Variants in ADK observed in about 807,000 individuals in gnomAD.
ADK encodes N6,N6-dimethyladenosine kinase.
Under a neutral mutation model 44.7 loss-of-function variants are expected in ADK, and 24 were observed. That is an observed-to-expected ratio of 0.54 (90% CI 0.39 to 0.76). ADK has a LOEUF of 0.76. Among genes scored for constraint, ADK ranks in the 30% least tolerant of loss-of-function variants. The probability of loss-of-function intolerance (pLI) is 0.00; values close to 1 mark genes in which losing one functional copy is unlikely to be tolerated. For missense variants in ADK, 321 were observed against 425.1 expected (o/e 0.76, Z 2.15); for synonymous variants, 128 against 142.6 (o/e 0.90, Z 0.73).
intron 9 of ADK, among the ~76,000 whole-genome samples, chr10:74,660,789 T>C (rs1488968948): frequency 6.7e-6 from 1 of 148,424 alleles, no homozygotes; most frequent in Non-Finnish European, 1.5e-5. Context: ...ATCCCAGCAC[T>C]TTGGGAGGCC....
At chr10:74,295,076 C>T (rs754925578) in intron 3 of ADK, among the ~76,000 whole-genome samples, 3 of 150,526 alleles carry the variant, frequency 2.0e-5, no homozygotes, top group Admixed American at 6.6e-5. Context: ...ATGCTGGTCT[C>T]GAACTCCTGA....
chr10:74,248,356 C>T (rs761615297), intron 3 of ADK, among the ~76,000 whole-genome samples: 1 of 151,906 alleles, frequency 6.6e-6, no homozygotes, highest in Non-Finnish European at 1.5e-5. Flanking sequence ...GGTTACATGA[C>T]CTTTCAGATT....
intron 3 of ADK, among the ~76,000 whole-genome samples, chr10:74,290,619 C>A (rs1317251005): frequency 6.6e-6 from 1 of 151,546 alleles, no homozygotes; most frequent in Non-Finnish European, 1.5e-5. Flanking sequence ...AAAAAAAAAA[C>A]CCTAATTTTT....
intron 4 of ADK, among the ~76,000 whole-genome samples, chr10:74,321,072 G>A (rs1178879634): frequency 6.6e-6 from 1 of 152,046 alleles, no homozygotes; most frequent in Admixed American, 6.6e-5. Flanking sequence ...TTCTATTTAA[G>A]TTGTAAGTTC....
At chr10:74,633,126 T>G (rs1044435228) in intron 9 of ADK, among the ~76,000 whole-genome samples, 1 of 152,130 alleles carries the variant, frequency 6.6e-6, no homozygotes, top group African/African-American at 2.4e-5. Context: ...TTCTATAGGT[T>G]TTTTAATCTG....
Position 74,302,097 on chromosome 10 carries a change from T to TTTG in ADK, c.195-12568_195-12567insGTT, listed in dbSNP as rs1564642186. Among the ~76,000 whole-genome samples the TTTG allele has an allele frequency of 3.7e-3, 238 of 63,862 alleles. 3 individuals are homozygous for TTTG. Among genetic ancestry groups the TTTG allele is most frequent in the African/African-American group, 0.013 (223 of 17,680 alleles). 41.9% of individuals were successfully genotyped at this position (63,862 alleles called of 152,430 possible). A position where few individuals can be genotyped will look rare whatever the true frequency, so the allele number is the denominator to read the frequency against. The stretch of plus-strand genomic sequence containing the variant: ...TGCTTTCTTTTCTTTTCTGTTTTTT[T>TTTG]TTTGTTTGTTTGTTTTTTTTTTTTT... On this transcript the variant is annotated intron_variant, in intron 3 of 10. Transcript: ENST00000539909.
chr10:74,276,619 A>G (rs1343812437), intron 3 of ADK, among the ~76,000 whole-genome samples: 1 of 152,176 alleles, frequency 6.6e-6, no homozygotes, highest in Non-Finnish European at 1.5e-5. Flanking sequence ...AGGATAGTGT[A>G]TGTTCCTTTC....
intron 7 of ADK, among the ~76,000 whole-genome samples, chr10:74,563,027 C>T (rs948149769): frequency 6.6e-6 from 1 of 152,046 alleles, no homozygotes; most frequent in African/African-American, 2.4e-5. Flanking sequence ...GCCACACTGG[C>T]CTGTTTTCAG....
chr10:74,396,388 G>A (rs1843509522), intron 5 of ADK, among the ~76,000 whole-genome samples: 1 of 151,370 alleles, frequency 6.6e-6, no homozygotes, highest in South Asian at 2.1e-4. Context: ...ACAAAAATTA[G>A]CTGGGGATGG....
intron 6 of ADK, among the ~76,000 whole-genome samples, chr10:74,514,449 CTTT>C (rs965737931): frequency 1.4e-5 from 2 of 145,722 alleles, no homozygotes; most frequent in Non-Finnish European, 1.5e-5. Context: ...TTTTCATTCT[CTTT>C]TTTTTTTTAA....
At chr10:74,181,458 T>C (rs904557988) in intron 1 of ADK, among the ~76,000 whole-genome samples, 1 of 152,234 alleles carries the variant, frequency 6.6e-6, no homozygotes, top group African/African-American at 2.4e-5. Context: ...ATCAGATTCC[T>C]ACTGGTCTTC....
intron 6 of ADK, among the ~76,000 whole-genome samples, chr10:74,523,982 C>G (rs1193695238): frequency 2.0e-5 from 3 of 152,180 alleles, no homozygotes; most frequent in Non-Finnish European, 2.9e-5. Context: ...ACCCCTCTTG[C>G]ACATTGCCCA....
intron 6 of ADK, among the ~76,000 whole-genome samples, chr10:74,513,650 A>G (rs1457409165): frequency 6.6e-6 from 1 of 152,146 alleles, no homozygotes; most frequent in African/African-American, 2.4e-5. Flanking sequence ...TGTAGATAGC[A>G]TATAATTGGG....
At chr10:74,229,307 C>G (rs1844659124) in intron 3 of ADK, among the ~76,000 whole-genome samples, 1 of 151,166 alleles carries the variant, frequency 6.6e-6, no homozygotes, top group African/African-American at 2.4e-5. Flanking sequence ...AGGTCAATTT[C>G]CAAACCAGCA....
chr10:74,172,873 T>A (rs891362854), intron 1 of ADK, among the ~76,000 whole-genome samples: 6 of 142,160 alleles, frequency 4.2e-5, no homozygotes, highest in African/African-American at 1.6e-4. Context: ...ACCACTGCCC[T>A]CCAGCTTGGT....
chr10:74,396,617 C>T (rs1215705699), intron 5 of ADK, among the ~76,000 whole-genome samples: 5 of 152,130 alleles, frequency 3.3e-5, no homozygotes, highest in Non-Finnish European at 7.4e-5. Flanking sequence ...CAGGTTCTTC[C>T]TCTTCAAAGT....
At chr10:74,342,841 A>G (rs945245620) in intron 4 of ADK, among the ~76,000 whole-genome samples, 1 of 147,912 alleles carries the variant, frequency 6.8e-6, no homozygotes, top group Non-Finnish European at 1.5e-5. Context: ...TGTATCCTAC[A>G]GCCTTTCTGA....
rs931788570 is a variant in ADK, at chr10:74,188,843, G to C, written c.66-11921G>C. Among the ~76,000 whole-genome samples, 3 of 152,178 alleles carry C rather than the reference G, an allele frequency of 2.0e-5. No homozygotes were observed. In the East Asian group the frequency reaches 5.8e-4, roughly 29 times the overall value. On this transcript the variant is annotated intron_variant, in intron 1 of 10. Transcript: ENST00000539909. The stretch of plus-strand genomic sequence containing the variant: ...GCTGGAGTGCAGTGGTACGATCTTC[G>C]TTTACTGCAACCTTCGCCTCCCAGG...
chr10:74,160,680 TGCAGGTAGGG>T, intron 1 of ADK, among the ~76,000 whole-genome samples: 1 of 149,458 alleles, frequency 6.7e-6, no homozygotes, highest in East Asian at 2.0e-4. Context: ...TGTGCGTGCA[TGCAGGTAGGG>T]GTGTGTGTGT....
Sources: gnomAD v4.1 joint callset for allele counts (sites outside exome capture counted in the v4.1 genomes callset) on GRCh38, gnomAD v4.1.1 for gene constraint, MANE v1.5 for transcripts, NCBI Gene and HGNC (gene_info 2026-07-23, HGNC 2026-07-21) for gene names.